The following ARHGEF4 variants were observed in gnomAD, a reference collection of about 807,000 sequenced individuals.
ARHGEF4 encodes APC-stimulated guanine nucleotide exchange factor 1.
In ARHGEF4, 119 loss-of-function variants were observed where a neutral mutation model predicts 162.0. That is an observed-to-expected ratio of 0.73 (90% CI 0.63 to 0.86). The LOEUF (loss-of-function observed/expected upper bound fraction) is 0.86, where lower values mean the gene tolerates loss of function less well. Among genes scored for constraint, ARHGEF4 ranks in the 40% least tolerant of loss-of-function variants. The probability of loss-of-function intolerance (pLI) is 0.00; values close to 1 mark genes in which losing one functional copy is unlikely to be tolerated. For missense variants in ARHGEF4, 2,488 were observed against 2,456.0 expected (o/e 1.01, Z -0.28); for synonymous variants, 1,014 against 979.9 (o/e 1.03, Z -0.65).
chr2:131,034,974 G>T (rs1424272738), intron 5 of ARHGEF4: 1 of 983,642 alleles, frequency 1.0e-6, no homozygotes, highest in Admixed American at 6.3e-5. Flanking sequence ...CCGGCTTCGC[G>T]GGAGGAGCCC....
intron 4 of ARHGEF4, among the ~76,000 whole-genome samples, chr2:131,009,727 C>T (rs536318534): frequency 6.6e-6 from 1 of 152,236 alleles, no homozygotes; most frequent in East Asian, 1.9e-4. Context: ...TTGCCATTTC[C>T]TATTTCTTCA....
At chr2:130,943,967 T>TGTAACATATACA (rs1683458437) in intron 3 of ARHGEF4, among the ~76,000 whole-genome samples, 1 of 152,240 alleles carries the variant, frequency 6.6e-6, no homozygotes, top group Non-Finnish European at 1.5e-5. Flanking sequence ...TAACATTGCT[T>TGTAACATATACA]TAGAATAGGT....
chr2:130,918,458 C>A (rs1015228904), intron 2 of ARHGEF4, among the ~76,000 whole-genome samples: 1 of 145,206 alleles, frequency 6.9e-6, no homozygotes, highest in East Asian at 2.0e-4. Context: ...AAGTAAGGCT[C>A]CCTCAGCTTC....
chr2:130,952,900 A>G (rs923460677), intron 4 of ARHGEF4, among the ~76,000 whole-genome samples: 2 of 152,216 alleles, frequency 1.3e-5, no homozygotes, highest in African/African-American at 4.8e-5. Flanking sequence ...TCAATGAAAT[A>G]AAAGAGGATA....
intron 6 of ARHGEF4, 81 bp from the exon 7 acceptor site, chr2:131,039,935 C>A (rs1690639607): frequency 6.7e-7 from 1 of 1,502,696 alleles, no homozygotes. Flanking sequence ...CTCCGAGGCC[C>A]GGTTCCCGCC....
intron 1 of ARHGEF4, among the ~76,000 whole-genome samples, chr2:130,904,591 T>C (rs1316779454): frequency 1.3e-5 from 2 of 152,178 alleles, no homozygotes; most frequent in Non-Finnish European, 2.9e-5. Flanking sequence ...CACCTAAACA[T>C]TGTACGGACT....
intron 1 of ARHGEF4, among the ~76,000 whole-genome samples, chr2:130,889,422 C>T (rs988194407): frequency 2.6e-5 from 4 of 151,910 alleles, no homozygotes; most frequent in Non-Finnish European, 4.4e-5. Context: ...TTCTTTCTTC[C>T]GTCTAAGATT....
chr2:130,871,294 G>A (rs1254553285), intron 1 of ARHGEF4, among the ~76,000 whole-genome samples: 8 of 152,156 alleles, frequency 5.3e-5, no homozygotes, highest in Admixed American at 5.2e-4. Flanking sequence ...CCAGCACTTT[G>A]GGAGGCCGAG....
At position 131,002,373 on chromosome 2, in the gene ARHGEF4, C is replaced by G. The variant is rs376728979; in HGVS notation, c.3986-25572C>G. Among the ~76,000 whole-genome samples, 5 of 152,052 alleles carry G rather than the reference C, an allele frequency of 3.3e-5. No homozygotes were observed. In the East Asian group the frequency reaches 9.7e-4, roughly 29 times the overall value. On this transcript the variant is annotated intron_variant, in intron 4 of 13. Coordinates refer to ENST00000409359, the MANE Select transcript of ARHGEF4 (RefSeq NM_001367493.1). The stretch of plus-strand genomic sequence containing the variant: ...CAGGCAGATCACGAGGTCAGGAGAT[C>G]GAGACCATCCTGGCTAACACGGTGA...
chr2:130,864,164 C>T (rs1002543137), intron 1 of ARHGEF4, among the ~76,000 whole-genome samples: 2 of 147,262 alleles, frequency 1.4e-5, no homozygotes, highest in Non-Finnish European at 3.0e-5. Context: ...CCAGCCTGGG[C>T]GACAGAGACT....
At chr2:130,850,803 A>G (rs924850003) in intron 1 of ARHGEF4, among the ~76,000 whole-genome samples, 1 of 152,236 alleles carries the variant, frequency 6.6e-6, no homozygotes, top group Admixed American at 6.5e-5. Context: ...GTCAGCGTCA[A>G]ATCCCCTGCC....
intron 1 of ARHGEF4, among the ~76,000 whole-genome samples, chr2:130,847,472 A>G (rs1353419512): frequency 1.3e-5 from 2 of 152,180 alleles, no homozygotes; most frequent in African/African-American, 2.4e-5. Flanking sequence ...TTAATCATTC[A>G]TCCCTCAGTC....
intron 1 of ARHGEF4, among the ~76,000 whole-genome samples, chr2:130,850,730 G>A (rs996570386): frequency 2.0e-5 from 3 of 152,202 alleles, no homozygotes; most frequent in African/African-American, 7.2e-5. Flanking sequence ...GGCCTCCCTC[G>A]GTAGACAGGG....
At position 130,916,176 on chromosome 2, in the gene ARHGEF4, T is replaced by G; in HGVS notation, c.2230T>G (p.Ser744Ala). ...GERLRGESRS[S>A]GSGERGPEEA... is the part of the protein sequence containing the mutation. ...GAGACTGCGTGGGGAGAGCCGGAGCTCCGGGTCAGGGGAGCGTGGCCCGGA... is the reference window on the plus strand; with the variant it reads ...GAGACTGCGTGGGGAGAGCCGGAGCGCCGGGTCAGGGGAGCGTGGCCCGGA... Residue 744 changes from serine (S) to alanine (A), a missense_variant, in exon 2 of 14, where the codon TCC (serine) becomes GCC (alanine). By Grantham distance (99) the Ser-to-Ala change is moderately conservative. Around this residue, in one of 6 missense-constraint regions of ARHGEF4, gnomAD observed 1,642 missense variants for 1,481.5 expected, o/e 1.11. Transcript: ENST00000409359. The G allele has an allele frequency of 1.9e-6, 3 of 1,548,318 alleles. No individual in the cohort carries two copies. The highest frequency in any genetic ancestry group is 2.6e-6 in the Non-Finnish European group (3 of 1,146,754).
chr2:130,898,887 C>T (rs934044276), intron 1 of ARHGEF4, among the ~76,000 whole-genome samples: 3 of 152,102 alleles, frequency 2.0e-5, no homozygotes, highest in African/African-American at 7.2e-5. Context: ...CTGCAGTGCA[C>T]CAGGGGTTCA....
At chr2:130,965,097 T>G (rs909257880) in intron 4 of ARHGEF4, among the ~76,000 whole-genome samples, 1 of 152,262 alleles carries the variant, frequency 6.6e-6, no homozygotes, top group Admixed American at 6.5e-5. Flanking sequence ...ATACACCCAC[T>G]ATGCTTCTGC....
rs141451411 is a variant in ARHGEF4 at position 131,027,985 on chromosome 2, C to T, written c.4026C>T (p.Asp1342=). 420 of 1,614,034 alleles carry T rather than the reference C, an allele frequency of 2.6e-4. 1 individual carries two copies. In the African/African-American group the frequency reaches 3.4e-3, roughly 13 times the overall value. ...CTCTGGACACAGCTGTCTGCGCTGACGAAGTGGGGAGCGAGGAGGACCTGT... is the reference window on the plus strand; with the variant it reads ...CTCTGGACACAGCTGTCTGCGCTGATGAAGTGGGGAGCGAGGAGGACCTGT... ...DGALDTAVCA[D]EVGSEEDLYD... is the part of the protein sequence containing the mutation. Residue 1342 remains aspartate, a synonymous_variant, in exon 5 of 14, where the codon GAC becomes GAT. Transcript: ENST00000409359.
chr2:130,933,109 G>A (rs558885064), intron 3 of ARHGEF4, among the ~76,000 whole-genome samples: 1 of 152,150 alleles, frequency 6.6e-6, no homozygotes, highest in Non-Finnish European at 1.5e-5. Context: ...CAGCTACTCG[G>A]GAGGTTGAGG....
At chr2:130,964,511 T>C (rs968352559) in intron 4 of ARHGEF4, among the ~76,000 whole-genome samples, 2 of 152,242 alleles carry the variant, frequency 1.3e-5, no homozygotes, top group African/African-American at 4.8e-5. Flanking sequence ...TTGGCCCCCA[T>C]ACCAGAGCGC....
Sources: allele counts gnomAD v4.1 joint callset (sites outside exome capture counted in the v4.1 genomes callset), GRCh38; gene constraint gnomAD v4.1.1; regional missense constraint gnomAD v4.1.1; transcripts MANE v1.5; gene names NCBI Gene and HGNC (gene_info 2026-07-23, HGNC 2026-07-21).